Variants in TNRC18 observed in about 807,000 individuals in gnomAD.
The protein encoded by TNRC18 is trinucleotide repeat-containing gene 18 protein.
In TNRC18, 69 loss-of-function variants were observed where a neutral mutation model predicts 226.7. The observed-to-expected ratio is 0.30, with a 90% CI of 0.25 to 0.37. The LOEUF (loss-of-function observed/expected upper bound fraction) is 0.37. TNRC18 is among the 10% of genes least tolerant of loss of function. The pLI is 1.00. For synonymous variants in TNRC18, 2,449 were observed against 1,927.6 expected (o/e 1.27, Z -7.09); for missense variants, 4,754 against 4,256.6 (o/e 1.12, Z -3.25).
chr7:5,387,015 G>A (rs538591457), intron 5 of TNRC18, among the ~76,000 whole-genome samples: 13 of 152,114 alleles, frequency 8.5e-5, no homozygotes, highest in South Asian at 2.1e-4. Flanking sequence ...CGGAGGTTGC[G>A]GTGAGCTGAG....
intron 2 of TNRC18, among the ~76,000 whole-genome samples, chr7:5,408,566 A>G (rs1584104866): frequency 6.6e-6 from 1 of 151,424 alleles, no homozygotes; most frequent in Admixed American, 6.6e-5. Flanking sequence ...TGAACCTAGG[A>G]GGTGGAGGTA....
intron 15 of TNRC18, among the ~76,000 whole-genome samples, chr7:5,357,995 G>C (rs1792628440): frequency 6.6e-6 from 1 of 152,176 alleles, no homozygotes. Context: ...CTTCGACCAA[G>C]TGCTGCTGCC....
At chr7:5,366,508 G>C (rs1409091531) in intron 11 of TNRC18, among the ~76,000 whole-genome samples, 1 of 151,854 alleles carries the variant, frequency 6.6e-6, no homozygotes, top group Non-Finnish European at 1.5e-5. Flanking sequence ...ATTTTTAGTA[G>C]AGATGGGGTT....
At position 5,380,524 on chromosome 7, in the gene TNRC18, C is replaced by A. The variant is rs186176742; in HGVS notation, c.2153-2500G>T. ...AGGGGCACAGCCATGCCGGCCCAGA[C>A]GCCTGCAGGACCGAGTGTACGGAGG... On this transcript the variant is annotated intron_variant, in intron 5 of 29. Transcript: ENST00000430969. 2.6e-3 allele frequency among the ~76,000 whole-genome samples: 403 copies of A among 152,324 alleles called. 4 individuals carry two copies. The highest frequency in any genetic ancestry group is 9.3e-3 in the African/African-American group (387 of 41,576).
intron 18 of TNRC18, among the ~76,000 whole-genome samples, chr7:5,338,617 TAAAAA>T (rs573809852): frequency 5.9e-5 from 4 of 68,176 alleles, no homozygotes; most frequent in African/African-American, 2.3e-4. Flanking sequence ...CGCTGCACAT[TAAAAA>T]AAAAAAAAAA....
chr7:5,306,877 TAAAAAAAA>T lies in TNRC18; in HGVS notation c.*1221_*1228del, dbSNP rs33960126. 4.8e-5 allele frequency: 7 copies of T among 146,974 alleles called. No homozygotes were observed. The highest frequency in any genetic ancestry group is 1.5e-4 in the African/African-American group (6 of 40,054). 9.1% of individuals were successfully genotyped at this position (146,974 alleles called of 1,614,324 possible). On this transcript the variant is annotated 3_prime_UTR_variant, in exon 30 of 30. Transcript: ENST00000430969. The stretch of plus-strand genomic sequence containing the variant: ...AACAAACAAAATTCCAAAAGAAACA[TAAAAAAAA>T]AAACCAATAATTCCCCCAAAAAACA...
chr7:5,329,440 T>G (rs1014064364), intron 19 of TNRC18, among the ~76,000 whole-genome samples: 6 of 151,572 alleles, frequency 4.0e-5, no homozygotes, highest in African/African-American at 7.3e-5. Context: ...TCCCAGCACT[T>G]TGGGAGGCTG....
rs553478741 is a variant in TNRC18 at position 5,313,333 on chromosome 7, C to T, written c.7558G>A (p.Ala2520Thr). The change falls in exon 27 of 30, where the codon GCC becomes ACC. Residue 2520 changes from alanine (A) to threonine (T), a missense_variant. Coordinates refer to ENST00000430969, the MANE Select transcript of TNRC18 (RefSeq NM_001080495.3). ...TCCTGGGCGAGGTCCCCGTCGGTGGCCTTGGGCCAGGGTGCCTTGGGCTCG... is the reference window on the plus strand; with the variant it reads ...TCCTGGGCGAGGTCCCCGTCGGTGGTCTTGGGCCAGGGTGCCTTGGGCTCG... Reference protein sequence around the residue: ...SSEPKAPWPKATDGDLAQEPG... With the variant: ...SSEPKAPWPKTTDGDLAQEPG... 430 of 1,554,758 alleles carry T rather than the reference C, an allele frequency of 2.8e-4. No individual in the cohort carries two copies. Among genetic ancestry groups the T allele is most frequent in the Non-Finnish European group, 3.6e-4 (419 of 1,150,292 alleles).
intron 24 of TNRC18, 93 bp from the exon 25 acceptor site, chr7:5,316,165 C>T: frequency 4.6e-6 from 4 of 870,282 alleles, no homozygotes; most frequent in South Asian, 3.1e-5. Context: ...GGCCCCTGTG[C>T]AGCCCTGGTC....
At chr7:5,317,679 G>A (rs77860714) in intron 24 of TNRC18, among the ~76,000 whole-genome samples, 14,513 of 150,320 alleles carry the variant, frequency 0.097, 1,551 homozygotes, top group East Asian at 0.63. Context: ...AAAATTTAAG[G>A]AATATTCAGA....
intron 2 of TNRC18, among the ~76,000 whole-genome samples, chr7:5,417,369 C>T (rs1186845640): frequency 6.6e-6 from 1 of 151,626 alleles, no homozygotes; most frequent in Non-Finnish European, 1.5e-5. Flanking sequence ...ACTCGGGAGG[C>T]TGAGGTAGGA....
rs752698656 is a variant in TNRC18 at position 5,308,312 on chromosome 7, G to A, written c.8701C>T (p.Arg2901Cys). 21 of 1,610,014 alleles carry A rather than the reference G, an allele frequency of 1.3e-5. No homozygotes were observed. The highest frequency in any genetic ancestry group is 4.0e-5 in the African/African-American group (3 of 74,796). ...ACATGCGAGGACTGGTATAGCGCGC[G>A]CTGCGGGCACGCGGGGATATCAGGA... ...VSSQRKDFME[R>C]ALYQSSHVDE... is the part of the protein sequence containing the mutation. Residue 2901 changes from arginine to cysteine, a missense_variant and splice_region_variant, in exon 30 of 30, where the codon CGC becomes TGC. Arg to Cys is a radical substitution (Grantham distance 180). Coordinates refer to ENST00000430969, the MANE Select transcript of TNRC18 (RefSeq NM_001080495.3).
In TNRC18 at chr7:5,370,559, C is replaced by A. The variant is rs1382581638; in HGVS notation, c.4035G>T (p.Leu1345=). ...CCTGGGGCAGCTCCGCAGCTGCCGC[C>A]AGGGCGTTCATGCCAGCCAGTGGGT... ...LEDPLAGMNA[L]AAAAELPQAR... The change falls in exon 11 of 30, where the codon CTG becomes CTT. Residue 1345 remains leucine, a synonymous_variant. Coordinates refer to ENST00000430969, the MANE Select transcript of TNRC18 (RefSeq NM_001080495.3). 3 of 1,611,110 alleles carry A rather than the reference C, an allele frequency of 1.9e-6. No individual in the cohort carries two copies. The highest frequency in any genetic ancestry group is 2.5e-6 in the Non-Finnish European group (3 of 1,178,878).
rs190251892 is a variant in TNRC18, at chr7:5,306,843, G to C, written c.*1263C>G. Reference sequence around the variant, plus strand: ...TTTTTTTATGAAAAAAGATCACACAGAATTTGCCAACAAACAAAATTCCAA... The same window carrying C: ...TTTTTTTATGAAAAAAGATCACACACAATTTGCCAACAAACAAAATTCCAA... On this transcript the variant is annotated 3_prime_UTR_variant, in exon 30 of 30. Coordinates refer to ENST00000430969, the MANE Select transcript of TNRC18 (RefSeq NM_001080495.3). 2.0e-5 allele frequency: 3 copies of C among 148,798 alleles called. No individual in the cohort carries two copies. The highest frequency in any genetic ancestry group is 7.5e-5 in the African/African-American group (3 of 39,892). 9.2% of individuals were successfully genotyped at this position (148,798 alleles called of 1,614,324 possible).
chr7:5,417,569 G>A (rs890680186), intron 2 of TNRC18, among the ~76,000 whole-genome samples: 5 of 152,252 alleles, frequency 3.3e-5, no homozygotes, highest in African/African-American at 1.2e-4. Flanking sequence ...TGAGGGCAGA[G>A]ACTTCTGTCT....
rs984882799 is a variant in TNRC18, at chr7:5,411,553, T to C, written c.187+9507A>G. ...AAAAAAAAAATTCCTAGAGGGAAAGTATTTCCCAAATAGCACTCAAGTGTG... is the reference window on the plus strand; with the variant it reads ...AAAAAAAAAATTCCTAGAGGGAAAGCATTTCCCAAATAGCACTCAAGTGTG... On this transcript the variant is annotated intron_variant, in intron 2 of 29. Transcript: ENST00000430969. Among the ~76,000 whole-genome samples the C allele has an allele frequency of 6.8e-5, 10 of 147,856 alleles. No homozygotes were observed. In the Admixed American group the frequency reaches 6.8e-4, roughly 10 times the overall value.
In TNRC18 at chr7:5,362,553, AAGCC is replaced by A. The variant is rs1793164213; in HGVS notation, c.4395+93_4395+96del. ...CGTAGCTCAGGCCTCTCTGGCGCCA[AAGCC>A]AGCCACGCCCCAGGCAGTAGGGCAC... On this transcript the variant is annotated intron_variant, in intron 12 of 29. Coordinates refer to ENST00000430969, the MANE Select transcript of TNRC18 (RefSeq NM_001080495.3). 3 of 1,244,424 alleles carry A rather than the reference AAGCC, an allele frequency of 2.4e-6. No homozygotes were observed. The Admixed American group carries it at 8.9e-5, about 37-fold the overall frequency. 77.1% of individuals were successfully genotyped at this position (1,244,424 alleles called of 1,614,324 possible).
intron 11 of TNRC18, 82 bp from the exon 12 acceptor site, chr7:5,362,907 C>T (rs1793212966): frequency 7.9e-6 from 11 of 1,394,832 alleles, no homozygotes; most frequent in South Asian, 4.5e-5. Flanking sequence ...CCAAAGCAAG[C>T]GCAGGCCCCA....
chr7:5,345,878 C>G, intron 17 of TNRC18, 68 bp from the exon 18 acceptor site: 1 of 1,487,600 alleles, frequency 6.7e-7, no homozygotes, highest in Non-Finnish European at 8.9e-7. Context: ...CCACCGCCCC[C>G]TGGCCCAGAG....
Sources: allele counts gnomAD v4.1 joint callset (sites outside exome capture counted in the v4.1 genomes callset), GRCh38; gene constraint gnomAD v4.1.1; transcripts MANE v1.5; gene names NCBI Gene and HGNC (gene_info 2026-07-23, HGNC 2026-07-21).